The following TAF4 variants were observed in gnomAD, a reference collection of about 807,000 sequenced individuals.
TAF4 encodes transcription initiation factor TFIID subunit 4.
TAF4 carries 9 observed loss-of-function variants against 90.3 expected under a neutral mutation model. The ratio of observed to expected loss-of-function variants is 0.10; its 90% confidence interval spans 0.06 to 0.17. TAF4 has a LOEUF of 0.17. TAF4 is among the 10% of genes least tolerant of loss of function. TAF4 has a pLI of 1.00. For missense variants in TAF4, 1,351 were observed against 1,370.7 expected (o/e 0.99, Z 0.23); for synonymous variants, 818 against 638.9 (o/e 1.28, Z -4.23).
At chr20:62,023,363 G>A (rs574217758) in intron 1 of TAF4, among the ~76,000 whole-genome samples, 4 of 152,240 alleles carry the variant, frequency 2.6e-5, no homozygotes, top group East Asian at 1.9e-4. Context: ...CCAGAGAGGC[G>A]AAGGTTGCAG....
At chr20:62,048,070 T>G (rs1367333063) in intron 1 of TAF4, among the ~76,000 whole-genome samples, 1 of 151,534 alleles carries the variant, frequency 6.6e-6, no homozygotes, top group Non-Finnish European at 1.5e-5. Flanking sequence ...CGGGGAAGGG[T>G]GTGTAGAAGA....
At chr20:62,017,463 C>T (rs1424849932) in intron 1 of TAF4, among the ~76,000 whole-genome samples, 2 of 151,220 alleles carry the variant, frequency 1.3e-5, no homozygotes, top group African/African-American at 4.9e-5. Flanking sequence ...ACGGTGAAAC[C>T]CCATCTCTAC....
chr20:61,983,972 G>A (rs2055566340), intron 14 of TAF4, among the ~76,000 whole-genome samples: 1 of 152,186 alleles, frequency 6.6e-6, no homozygotes. Context: ...TGCCAATGAA[G>A]ATATGACACG....
At chr20:62,022,341 G>A (rs1300367024) in intron 1 of TAF4, among the ~76,000 whole-genome samples, 2 of 152,108 alleles carry the variant, frequency 1.3e-5, no homozygotes, top group Non-Finnish European at 1.5e-5. Flanking sequence ...AAACACAAAC[G>A]GAGCCACCAG....
At chr20:62,031,260 G>A (rs192249252) in intron 1 of TAF4, among the ~76,000 whole-genome samples, 8 of 152,284 alleles carry the variant, frequency 5.3e-5, no homozygotes, top group Admixed American at 4.6e-4. Flanking sequence ...TCCAGGCTGG[G>A]CGTCCAAGCC....
chr20:62,000,426 C>T, intron 10 of TAF4, 126 bp downstream of exon 10: 1 of 1,409,040 alleles, frequency 7.1e-7, no homozygotes, highest in South Asian at 1.4e-5. Flanking sequence ...CCACCACCAG[C>T]AACCATGTGG....
In TAF4 at chr20:62,010,168, ACAAGAATC is replaced by A; in HGVS notation, c.1642-11_1642-4del. 6.2e-7 allele frequency: 1 copy of A among 1,613,810 alleles called. No homozygotes were observed. Among genetic ancestry groups the A allele is most frequent in the South Asian group, 1.1e-5 (1 of 91,066 alleles). On this transcript the variant is annotated splice_region_variant and splice_polypyrimidine_tract_variant and intron_variant, in intron 3 of 14. Coordinates refer to ENST00000252996, the MANE Select transcript of TAF4 (RefSeq NM_003185.4). The surrounding 1 kb of genome is among the most constrained non-coding windows in gnomAD (Gnocchi z 4.5). Reference sequence around the variant, plus strand: ...GCGCCACCCAGAACGAGCTGAGGCTACAAGAATCCAAAAACACAAGGTAAGGGCATCTC... The same window carrying A: ...GCGCCACCCAGAACGAGCTGAGGCTACAAAAACACAAGGTAAGGGCATCTC...
At chr20:62,038,742 T>C (rs2055947730) in intron 1 of TAF4, among the ~76,000 whole-genome samples, 1 of 152,086 alleles carries the variant, frequency 6.6e-6, no homozygotes, top group African/African-American at 2.4e-5. Context: ...ATAGACTCAA[T>C]ACAATCCCAA....
At chr20:62,047,392 G>A (rs2055999600) in intron 1 of TAF4, among the ~76,000 whole-genome samples, 1 of 152,136 alleles carries the variant, frequency 6.6e-6, no homozygotes, top group East Asian at 1.9e-4. Context: ...CCAAGGTCTG[G>A]TTAACGAGGC....
Position 61,998,146 on chromosome 20 carries a change from T to C in TAF4, c.2960A>G (p.Lys987Arg). 1 of 1,614,136 alleles carries C rather than the reference T, an allele frequency of 6.2e-7. No homozygotes were observed. Among genetic ancestry groups the C allele is most frequent in the East Asian group, 2.2e-5 (1 of 44,886 alleles). ...ACTAACAGGGCTCACCTCCTTTGCC[T>C]TCTGTTTCAGCCTTAACTGTTCTGG... ...EDPEQLRLKQ[K>R]AKEMQQQELA... Residue 987 changes from lysine to arginine, a missense_variant, in exon 13 of 15, where the codon AAG (lysine) becomes AGG (arginine). This residue lies in a region of TAF4 where 18 missense variants were observed against 60.0 expected (regional missense o/e 0.30). Coordinates refer to ENST00000252996, the MANE Select transcript of TAF4 (RefSeq NM_003185.4).
At chr20:62,009,483 G>C (rs2055765917) in intron 4 of TAF4, among the ~76,000 whole-genome samples, 1 of 152,210 alleles carries the variant, frequency 6.6e-6, no homozygotes, top group Non-Finnish European at 1.5e-5. Flanking sequence ...CTGACCATAA[G>C]GACAACCTAT....
intron 1 of TAF4, among the ~76,000 whole-genome samples, chr20:62,030,615 G>A (rs1403433267): frequency 6.6e-6 from 1 of 152,206 alleles, no homozygotes; most frequent in Non-Finnish European, 1.5e-5. Context: ...GCTGGGAAGG[G>A]TCTTGCTTGC....
intron 14 of TAF4, among the ~76,000 whole-genome samples, chr20:61,977,229 C>G (rs2055501388): frequency 6.7e-6 from 1 of 149,086 alleles, no homozygotes. Flanking sequence ...CAACACCGCC[C>G]AGCGGGGCGC....
chr20:61,991,707 GAAGA>G (rs1049259733), intron 14 of TAF4, among the ~76,000 whole-genome samples: 3 of 152,094 alleles, frequency 2.0e-5, no homozygotes, highest in African/African-American at 7.2e-5. Context: ...GGGACTCTCT[GAAGA>G]AAGAAACAAA....
At chr20:62,016,866 G>A (rs2055814949) in intron 1 of TAF4, among the ~76,000 whole-genome samples, 1 of 152,180 alleles carries the variant, frequency 6.6e-6, no homozygotes. Context: ...CAGGGTGAGT[G>A]TGGTGGCTCA....
intron 1 of TAF4, among the ~76,000 whole-genome samples, chr20:62,022,517 C>T (rs922182432): frequency 1.3e-5 from 2 of 152,216 alleles, no homozygotes; most frequent in African/African-American, 4.8e-5. Flanking sequence ...CATTCGAACC[C>T]TCTCCATGCT....
intron 14 of TAF4, among the ~76,000 whole-genome samples, chr20:61,978,690 CGGGGGCGAGACCAACCAAGGGA>C (rs1568919088): frequency 3.5e-5 from 4 of 113,666 alleles, no homozygotes; most frequent in Admixed American, 8.4e-5. Context: ...CAACCAAGGC[CGGGGGCGAGACCAACCAAGGGA>C]GGGGGCGAGA....
chr20:62,001,072 A>C lies in TAF4; in HGVS notation c.2487-351T>G, dbSNP rs531152346. On this transcript the variant is annotated intron_variant, in intron 9 of 14. Transcript: ENST00000252996. ...CTTTTTAAAGCCAGAGGCAGCATTAAATTCTTTTTAAAGGCTCAGAAGTTG... is the reference window on the plus strand; with the variant it reads ...CTTTTTAAAGCCAGAGGCAGCATTACATTCTTTTTAAAGGCTCAGAAGTTG... 2.0e-5 allele frequency among the ~76,000 whole-genome samples: 3 copies of C among 152,354 alleles called. No individual in the cohort carries two copies. In the South Asian group the frequency reaches 6.2e-4, roughly 32 times the overall value.
At chr20:62,048,234 T>C (rs1442660897) in intron 1 of TAF4, among the ~76,000 whole-genome samples, 2 of 152,220 alleles carry the variant, frequency 1.3e-5, no homozygotes, top group Admixed American at 1.3e-4. Context: ...GGGCTGCCTC[T>C]GGGAGTTCTG....
Sources: allele counts gnomAD v4.1 joint callset (sites outside exome capture counted in the v4.1 genomes callset), GRCh38; gene constraint gnomAD v4.1.1; regional missense constraint gnomAD v4.1.1; non-coding constraint Gnocchi (gnomAD v3.1); transcripts MANE v1.5; gene names NCBI Gene and HGNC (gene_info 2026-07-23, HGNC 2026-07-21).